SH3GL2: variants seen among roughly 807,000 people sequenced by gnomAD.
SH3GL2 encodes SH3 domain containing GRB2 like 2, endophilin A1.
SH3GL2 carries 24 observed loss-of-function variants against 46.0 expected under a neutral mutation model. That is an observed-to-expected ratio of 0.52 (90% CI 0.38 to 0.73). SH3GL2 has a LOEUF of 0.73. SH3GL2 is among the 30% of genes least tolerant of loss of function. The pLI is 0.00. For missense variants in SH3GL2, 413 were observed against 424.2 expected (o/e 0.97, Z 0.23); for synonymous variants, 196 against 147.1 (o/e 1.33, Z -2.40).
intron 1 of SH3GL2, among the ~76,000 whole-genome samples, chr9:17,736,438 G>A (rs1299302159): frequency 3.9e-5 from 6 of 151,942 alleles, no homozygotes; most frequent in Non-Finnish European, 8.8e-5. Context: ...CATGCCCCCT[G>A]GTTGTCCATC....
Position 17,768,841 on chromosome 9 carries a change from A to G in SH3GL2, c.187+7332A>G, listed in dbSNP as rs536062498. 8.5e-5 allele frequency among the ~76,000 whole-genome samples: 13 copies of G among 152,260 alleles called. No individual in the cohort carries two copies. In the South Asian group the frequency reaches 2.7e-3, roughly 32 times the overall value. On this transcript the variant is annotated intron_variant, in intron 3 of 8. Coordinates refer to ENST00000380607, the MANE Select transcript of SH3GL2 (RefSeq NM_003026.5). ...TATTTTCATGCTACCTTTATATCAC[A>G]TGAGTTCCCCTCAACAAATCTCTTG...
intron 6 of SH3GL2, among the ~76,000 whole-genome samples, chr9:17,790,838 C>T (rs550612886): frequency 1.5e-4 from 23 of 152,142 alleles, no homozygotes; most frequent in South Asian, 1.0e-3. Flanking sequence ...TTAACAGTAC[C>T]GATATTAACA....
In SH3GL2 at chr9:17,770,254, A is replaced by G. The variant is rs191862052; in HGVS notation, c.187+8745A>G. Among the ~76,000 whole-genome samples the G allele has an allele frequency of 5.3e-5, 8 of 152,346 alleles. No individual in the cohort carries two copies. The East Asian group carries it at 1.2e-3, about 22-fold the overall frequency. ...TAGACATTTGTGTTTATATACATAG[A>G]TAATAGTTGTATCTATTTTTGAATG... On this transcript the variant is annotated intron_variant, in intron 3 of 8. Coordinates refer to ENST00000380607, the MANE Select transcript of SH3GL2 (RefSeq NM_003026.5).
chr9:17,774,551 G>GTTT (rs71333008), intron 3 of SH3GL2, among the ~76,000 whole-genome samples: 3 of 147,574 alleles, frequency 2.0e-5, no homozygotes, highest in African/African-American at 5.0e-5. Flanking sequence ...CGTGTGTGTG[G>GTTT]TTTTTTTTTT....
intron 1 of SH3GL2, among the ~76,000 whole-genome samples, chr9:17,633,904 T>C (rs1458249383): frequency 2.0e-5 from 3 of 152,200 alleles, no homozygotes; most frequent in Non-Finnish European, 4.4e-5. Flanking sequence ...TATGCAAGTG[T>C]GCCTTCAGTG....
rs765635202 is a variant in SH3GL2 at position 17,594,988 on chromosome 9, A to AT, written c.45+15703dup. Among the ~76,000 whole-genome samples, 4 of 152,356 alleles carry AT rather than the reference A, an allele frequency of 2.6e-5. No individual in the cohort carries two copies. In the East Asian group the frequency reaches 7.7e-4, roughly 29 times the overall value. On this transcript the variant is annotated intron_variant, in intron 1 of 8. Transcript: ENST00000380607. The stretch of plus-strand genomic sequence containing the variant: ...AAGCACACCCTCATAAAATTGTAAG[A>AT]TTGTAAGTTTAAAATAAACTTCCTT...
chr9:17,600,453 C>T lies in SH3GL2; in HGVS notation c.45+21166C>T, dbSNP rs573411534. ...GACGGTTAAACAGCACAGCTGGCTC[C>T]GATTCTGATGTTTTCTCAGTTAGAT... On this transcript the variant is annotated intron_variant, in intron 1 of 8. Coordinates refer to ENST00000380607, the MANE Select transcript of SH3GL2 (RefSeq NM_003026.5). 4.6e-5 allele frequency among the ~76,000 whole-genome samples: 7 copies of T among 152,278 alleles called. No individual in the cohort carries two copies. In the South Asian group the frequency reaches 6.2e-4, roughly 14 times the overall value.
rs139834287 is a variant in SH3GL2, at chr9:17,581,918, C to G, written c.45+2631C>G. Among the ~76,000 whole-genome samples the G allele has an allele frequency of 1.6e-3, 245 of 152,178 alleles. 2 individuals are homozygous for G. The South Asian group carries it at 0.022, about 14-fold the overall frequency. Reference sequence around the variant, plus strand: ...TTAGCCATGTTAACCAGGCTGGTCTCGAACTCCTGACCTCAGGTGATCTGC... The same window carrying G: ...TTAGCCATGTTAACCAGGCTGGTCTGGAACTCCTGACCTCAGGTGATCTGC... On this transcript the variant is annotated intron_variant, in intron 1 of 8. Transcript: ENST00000380607.
chr9:17,705,896 A>G (rs1046966498), intron 1 of SH3GL2, among the ~76,000 whole-genome samples: 2 of 151,974 alleles, frequency 1.3e-5, no homozygotes, highest in African/African-American at 4.8e-5. Flanking sequence ...TGCTCATGAC[A>G]TGCAATTTAC....
chr9:17,618,612 T>C (rs1819059970), intron 1 of SH3GL2, among the ~76,000 whole-genome samples: 1 of 152,214 alleles, frequency 6.6e-6, no homozygotes, highest in Non-Finnish European at 1.5e-5. Flanking sequence ...TGAATGTTAA[T>C]GCGCTTGACT....
At chr9:17,704,732 A>T (rs1320883128) in intron 1 of SH3GL2, among the ~76,000 whole-genome samples, 1 of 152,104 alleles carries the variant, frequency 6.6e-6, no homozygotes, top group Non-Finnish European at 1.5e-5. Context: ...GCTAGCCAAT[A>T]TGCAGAAGAT....
At chr9:17,747,181 T>A in intron 2 of SH3GL2, 47 bp downstream of exon 2, 1 of 1,183,126 alleles carries the variant, frequency 8.5e-7, no homozygotes, top group South Asian at 1.3e-5. Context: ...TAAACATGTC[T>A]ACCATAATTA....
chr9:17,775,143 TG>T (rs1172451990), intron 3 of SH3GL2, among the ~76,000 whole-genome samples: 1 of 152,060 alleles, frequency 6.6e-6, no homozygotes, highest in African/African-American at 2.4e-5. Context: ...TTTTTATTTC[TG>T]ATTTTAGTAA....
chr9:17,788,679 A>G, intron 5 of SH3GL2, among the ~76,000 whole-genome samples: 1 of 152,252 alleles, frequency 6.6e-6, no homozygotes, highest in South Asian at 2.1e-4. Flanking sequence ...GAAGCTCAGC[A>G]TGGAGCATTA....
intron 1 of SH3GL2, among the ~76,000 whole-genome samples, chr9:17,653,101 C>T (rs1819993959): frequency 6.6e-6 from 1 of 152,172 alleles, no homozygotes; most frequent in Non-Finnish European, 1.5e-5. Context: ...AAAATCCAAT[C>T]TGAAAAGTCT....
chr9:17,683,030 G>A (rs150568921), intron 1 of SH3GL2, among the ~76,000 whole-genome samples: 165 of 152,050 alleles, frequency 1.1e-3, no homozygotes, highest in African/African-American at 3.7e-3. Context: ...AGAGAATTTC[G>A]GTCATAGAGC....
intron 1 of SH3GL2, among the ~76,000 whole-genome samples, chr9:17,680,747 G>A (rs917557547): frequency 2.0e-5 from 3 of 151,938 alleles, no homozygotes; most frequent in African/African-American, 4.8e-5. Context: ...GATCTTTCCT[G>A]CTTTCTCTTG....
chr9:17,621,462 G>A (rs989157742), intron 1 of SH3GL2, among the ~76,000 whole-genome samples: 1 of 152,170 alleles, frequency 6.6e-6, no homozygotes, highest in African/African-American at 2.4e-5. Flanking sequence ...CATATCCCAT[G>A]ATCACAATCA....
At chr9:17,618,358 G>A (rs117877945) in intron 1 of SH3GL2, among the ~76,000 whole-genome samples, 2,093 of 152,298 alleles carry the variant, frequency 0.014, 22 homozygotes, top group Non-Finnish European at 0.024. Flanking sequence ...CAGGGTTGGA[G>A]AGTTAGGAAA....
Sources: allele counts gnomAD v4.1 joint callset (sites outside exome capture counted in the v4.1 genomes callset), GRCh38; gene constraint gnomAD v4.1.1; transcripts MANE v1.5; gene names NCBI Gene and HGNC (gene_info 2026-07-23, HGNC 2026-07-21).